The following MICOS10 variants were observed in gnomAD, a reference collection of about 807,000 sequenced individuals.
MICOS10 encodes the protein mitochondrial contact site and cristae organizing system subunit 10.
A neutral mutation model predicts 13.4 loss-of-function variants in MICOS10; 5 were observed. The observed-to-expected ratio is 0.37, with a 90% CI of 0.20 to 0.78. MICOS10 has a LOEUF of 0.78. Among genes scored for constraint, MICOS10 ranks in the 30% least tolerant of loss-of-function variants. The pLI is 0.47. For synonymous variants in MICOS10, 35 were observed against 33.6 expected (o/e 1.04, Z -0.15); for missense variants, 101 against 94.6 (o/e 1.07, Z -0.28).
chr1:19,608,791 C>T (rs1002293537), intron 1 of MICOS10, among the ~76,000 whole-genome samples: 90 of 151,898 alleles, frequency 5.9e-4, no homozygotes, highest in Non-Finnish European at 1.1e-3. Context: ...AAAGGCAAGC[C>T]GCAGAATGGG....
At chr1:19,617,964 T>G (rs1034870437) in intron 1 of MICOS10, among the ~76,000 whole-genome samples, 2 of 151,992 alleles carry the variant, frequency 1.3e-5, no homozygotes, top group Non-Finnish European at 2.9e-5. Context: ...ATGTGTCATA[T>G]AAACAATTAC....
At chr1:19,625,404 C>T in intron 3 of MICOS10, 1 of 1,289,240 alleles carries the variant, frequency 7.8e-7, no homozygotes, top group Non-Finnish European at 1.0e-6. Flanking sequence ...CCTGCTGAAA[C>T]CGTCAGCTGC....
rs982076934 is a variant in MICOS10, at chr1:19,628,203, C to G, written c.*1802C>G. 2.0e-5 allele frequency: 3 copies of G among 152,220 alleles called. No homozygotes were observed. The highest frequency in any genetic ancestry group is 4.4e-5 in the Non-Finnish European group (3 of 68,112). 9.4% of individuals were successfully genotyped at this position (152,220 alleles called of 1,614,324 possible). A position where few individuals can be genotyped will look rare whatever the true frequency, so the allele number is the denominator to read the frequency against. On this transcript the variant is annotated 3_prime_UTR_variant, in exon 4 of 4. Coordinates refer to ENST00000322753, the MANE Select transcript of MICOS10 (RefSeq NM_001032363.4). ...AAGCGCTTCTCCTGCCTCAGCCTCCCGAGTAGCTGGGATTACAGGCATGCG... is the reference window on the plus strand; with the variant it reads ...AAGCGCTTCTCCTGCCTCAGCCTCCGGAGTAGCTGGGATTACAGGCATGCG...
At chr1:19,598,611 T>TAA (rs34959568) in intron 1 of MICOS10, among the ~76,000 whole-genome samples, 32 of 141,402 alleles carry the variant, frequency 2.3e-4, no homozygotes, top group South Asian at 6.8e-4. Flanking sequence ...ACCCTTCCCT[T>TAA]AAAAAAAAAA....
intron 1 of MICOS10, chr1:19,608,191 T>C (rs1346836999): frequency 5.0e-6 from 7 of 1,389,062 alleles, no homozygotes; most frequent in Non-Finnish European, 7.2e-6. Flanking sequence ...AAGGGGAGAA[T>C]GTATTTGGTG....
At position 19,626,550 on chromosome 1, in the gene MICOS10, C is replaced by G. The variant is rs2094922744; in HGVS notation, c.*149C>G. ...CCAGCACCTGGTTATGCATTTGAAA[C>G]CAAGTCTGTTTCTTGTTTTGTATTT... is the stretch of plus-strand genomic sequence containing the variant. On this transcript the variant is annotated 3_prime_UTR_variant, in exon 4 of 4. Transcript: ENST00000322753. 2 of 795,044 alleles carry G rather than the reference C, an allele frequency of 2.5e-6. No individual in the cohort carries two copies. Among genetic ancestry groups the G allele is most frequent in the African/African-American group, 1.7e-5 (1 of 57,946 alleles). The allele number at this position is 795,044 out of a possible 1,614,324, so 49.2% of individuals were successfully genotyped here. A position where few individuals can be genotyped will look rare whatever the true frequency, so the allele number is the denominator to read the frequency against.
At chr1:19,608,395 C>T (rs1460066324) in intron 1 of MICOS10, 1 of 1,259,366 alleles carries the variant, frequency 7.9e-7, no homozygotes, top group East Asian at 2.3e-5. Context: ...TTGCCCTACA[C>T]ATCCAACTCC....
chr1:19,606,317 T>C (rs2094834626), intron 1 of MICOS10, among the ~76,000 whole-genome samples: 1 of 148,954 alleles, frequency 6.7e-6, no homozygotes, highest in African/African-American at 2.5e-5. Context: ...CATTTTGTAG[T>C]TTCTTAATTT....
intron 1 of MICOS10, among the ~76,000 whole-genome samples, chr1:19,604,954 T>C (rs541144922): frequency 6.6e-5 from 10 of 152,320 alleles, no homozygotes; most frequent in Admixed American, 5.9e-4. Flanking sequence ...AGAATGACCA[T>C]CACTTATTGA....
intron 3 of MICOS10, chr1:19,625,773 C>A: frequency 2.1e-6 from 2 of 938,522 alleles, no homozygotes; most frequent in Non-Finnish European, 2.8e-6. Flanking sequence ...TTTGTGTGTC[C>A]TGCTCCAAAA....
chr1:19,615,477 G>A (rs1558344393), intron 1 of MICOS10, among the ~76,000 whole-genome samples: 1 of 152,176 alleles, frequency 6.6e-6, no homozygotes, highest in African/African-American at 2.4e-5. Flanking sequence ...GAGACACACA[G>A]CTAGTAAATA....
At chr1:19,598,222 G>A (rs989213705) in intron 1 of MICOS10, 7 of 152,182 alleles carry the variant, frequency 4.6e-5, no homozygotes, top group Admixed American at 4.6e-4. Flanking sequence ...TTTGGGGCAA[G>A]TTATTTAACT....
intron 1 of MICOS10, among the ~76,000 whole-genome samples, chr1:19,598,900 A>G (rs745646032): frequency 6.6e-6 from 1 of 151,930 alleles, no homozygotes; most frequent in Non-Finnish European, 1.5e-5. Context: ...TATTTTATTT[A>G]TATTTATTTT....
chr1:19,618,653 C>T (rs547968599), intron 1 of MICOS10, among the ~76,000 whole-genome samples: 3 of 152,274 alleles, frequency 2.0e-5, no homozygotes, highest in South Asian at 4.1e-4. Context: ...ACTGGAGCAG[C>T]GGTTTGGGCC....
chr1:19,602,353 G>C (rs2094818446), intron 1 of MICOS10, among the ~76,000 whole-genome samples: 2 of 152,182 alleles, frequency 1.3e-5, no homozygotes, highest in Non-Finnish European at 2.9e-5. Flanking sequence ...TCACATGTTT[G>C]ATCATGTATC....
intron 1 of MICOS10, among the ~76,000 whole-genome samples, chr1:19,607,227 G>A (rs2094838700): frequency 6.6e-6 from 1 of 152,172 alleles, no homozygotes; most frequent in Admixed American, 6.6e-5. Flanking sequence ...TCCATTTGCG[G>A]CAGCAATGTG....
intron 1 of MICOS10, 80 bp from the exon 2 acceptor site, chr1:19,622,020 T>C: frequency 9.5e-7 from 1 of 1,051,600 alleles, no homozygotes; most frequent in African/African-American, 1.6e-5. Context: ...TTTAATGATG[T>C]TCACATTTAA....
At chr1:19,598,625 AGG>A (rs1260196182) in intron 1 of MICOS10, among the ~76,000 whole-genome samples, 8 of 147,912 alleles carry the variant, frequency 5.4e-5, no homozygotes, top group Non-Finnish European at 9.0e-5. Context: ...AAAAAAAAAA[AGG>A]AGAAGAAGAA....
intron 2 of MICOS10, 24 bp downstream of exon 2, chr1:19,622,171 A>T: frequency 6.3e-7 from 1 of 1,581,396 alleles, no homozygotes; most frequent in South Asian, 1.1e-5. Context: ...TGTCTTTTCA[A>T]CATAATGTCA....
Sources: allele counts gnomAD v4.1 joint callset (sites outside exome capture counted in the v4.1 genomes callset), GRCh38; gene constraint gnomAD v4.1.1; transcripts MANE v1.5; gene names NCBI Gene and HGNC (gene_info 2026-07-23, HGNC 2026-07-21).